Variants in SCHIP1 observed in about 807,000 individuals in gnomAD.
The protein encoded by SCHIP1 is schwannomin-interacting protein 1.
In SCHIP1, 8 loss-of-function variants were observed where a neutral mutation model predicts 29.7. The ratio of observed to expected loss-of-function variants is 0.27; its 90% CI spans 0.16 to 0.49. SCHIP1 has a LOEUF of 0.49. SCHIP1 is among the 20% of genes least tolerant of loss of function. The probability of loss-of-function intolerance (pLI) is 0.99; values close to 1 mark genes in which losing one functional copy is unlikely to be tolerated. For missense variants in SCHIP1, 193 were observed against 294.6 expected (o/e 0.66, Z 2.52); for synonymous variants, 76 against 94.9 (o/e 0.80, Z 1.16).
chr3:159,461,597 A>G, the SCHIP1 span, among the ~76,000 whole-genome samples: 1 of 150,756 alleles, frequency 6.6e-6, no homozygotes, highest in African/African-American at 2.4e-5. Flanking sequence ...TTTTTTTGAG[A>G]CAGAGTCTCA....
At chr3:159,591,796 A>T in the SCHIP1 span, among the ~76,000 whole-genome samples, 1 of 152,100 alleles carries the variant, frequency 6.6e-6, no homozygotes, top group Non-Finnish European at 1.5e-5. Flanking sequence ...GAGGGAGAGC[A>T]TTAGGACAAA....
chr3:159,282,117 T>C, the SCHIP1 span, among the ~76,000 whole-genome samples: 18 of 152,084 alleles, frequency 1.2e-4, no homozygotes, highest in African/African-American at 4.1e-4. Context: ...AATGTCAACA[T>C]TGAGTGTTCA....
At chr3:159,465,315 TTGTG>T in the SCHIP1 span, among the ~76,000 whole-genome samples, 578 of 148,354 alleles carry the variant, frequency 3.9e-3, 3 homozygotes, top group South Asian at 0.014. Context: ...ATGTGTATGA[TTGTG>T]TGTGTGTGTG....
chr3:159,678,235 T>C, the SCHIP1 span, among the ~76,000 whole-genome samples: 3 of 152,224 alleles, frequency 2.0e-5, no homozygotes, highest in Admixed American at 2.0e-4. Context: ...ATTTTTCACT[T>C]TCTCTACAAG....
the SCHIP1 span, among the ~76,000 whole-genome samples, chr3:159,609,478 T>C: frequency 1.3e-5 from 2 of 152,218 alleles, no homozygotes; most frequent in African/African-American, 2.4e-5. Context: ...AAGTAACTCC[T>C]GTGTTTTAGC....
At chr3:159,532,972 C>A in the SCHIP1 span, among the ~76,000 whole-genome samples, 1 of 152,100 alleles carries the variant, frequency 6.6e-6, no homozygotes, top group Non-Finnish European at 1.5e-5. Flanking sequence ...CTTGAAAAGA[C>A]AATACAAAGT....
chr3:159,556,666 G>T, the SCHIP1 span, among the ~76,000 whole-genome samples: 1 of 149,990 alleles, frequency 6.7e-6, no homozygotes, highest in African/African-American at 2.5e-5. Flanking sequence ...ACTATCGCAA[G>T]GACAAAAAAC....
chr3:159,780,991 T>TGATTATTGGGATAAAAACAGCAG, the SCHIP1 span, among the ~76,000 whole-genome samples: 1 of 152,318 alleles, frequency 6.6e-6, no homozygotes, highest in African/African-American at 2.4e-5. Context: ...CAGATCATCA[T>TGATTATTGGGATAAAAACAGCAG]CTCCTTATGA....
At chr3:159,768,473 C>G in the SCHIP1 span, 9 of 152,150 alleles carry the variant, frequency 5.9e-5, no homozygotes, top group Admixed American at 5.9e-4. Flanking sequence ...ACTGAGGTCT[C>G]AAAAATGGGA....
At chr3:159,615,502 G>A in the SCHIP1 span, among the ~76,000 whole-genome samples, 2 of 152,200 alleles carry the variant, frequency 1.3e-5, no homozygotes, top group African/African-American at 2.4e-5. Flanking sequence ...GCTACAGTTG[G>A]CCTACCTGGC....
the SCHIP1 span, among the ~76,000 whole-genome samples, chr3:159,421,923 T>C: frequency 6.6e-6 from 1 of 152,260 alleles, no homozygotes; most frequent in South Asian, 2.1e-4. Flanking sequence ...TTTAGCACCA[T>C]GATACTTCAA....
chr3:159,825,773 G>GA, the SCHIP1 span, among the ~76,000 whole-genome samples: 20 of 149,168 alleles, frequency 1.3e-4, no homozygotes, highest in Middle Eastern at 3.4e-3. Flanking sequence ...AAATTAGAGG[G>GA]AAAAAAAAAC....
At chr3:159,472,239 G>C in the SCHIP1 span, among the ~76,000 whole-genome samples, 2 of 152,182 alleles carry the variant, frequency 1.3e-5, no homozygotes, top group Non-Finnish European at 2.9e-5. Context: ...TGTTTTTAAA[G>C]AGTTGTGTGT....
chr3:159,437,746 G>T, the SCHIP1 span, among the ~76,000 whole-genome samples: 1 of 152,134 alleles, frequency 6.6e-6, no homozygotes, highest in Non-Finnish European at 1.5e-5. Context: ...TTGTAATGGA[G>T]AATATTTTGG....
the SCHIP1 span, among the ~76,000 whole-genome samples, chr3:159,587,227 TAA>T: frequency 6.6e-6 from 1 of 152,196 alleles, no homozygotes; most frequent in Non-Finnish European, 1.5e-5. Flanking sequence ...CAATCAAGTT[TAA>T]GAGTTACTAG....
the SCHIP1 span, among the ~76,000 whole-genome samples, chr3:159,693,052 G>A: frequency 6.6e-6 from 1 of 152,072 alleles, no homozygotes; most frequent in African/African-American, 2.4e-5. Flanking sequence ...TATTTACCTT[G>A]ACTAGTAGCT....
At chr3:159,437,487 CTG>C in the SCHIP1 span, among the ~76,000 whole-genome samples, 1 of 152,140 alleles carries the variant, frequency 6.6e-6, no homozygotes, top group African/African-American at 2.4e-5. Context: ...ATTCTTGACT[CTG>C]AGGTCTTTAG....
At chr3:159,764,413 A>G in the SCHIP1 span, 7 of 1,549,070 alleles carry the variant, frequency 4.5e-6, no homozygotes, top group South Asian at 7.6e-5. This position sits in a 1 kb window ranked among gnomAD's most constrained non-coding sequence, Gnocchi z 6.1. Flanking sequence ...GGCTTGGCCC[A>G]GCAGCTCACT....
the SCHIP1 span, among the ~76,000 whole-genome samples, chr3:159,381,591 C>T: frequency 6.6e-6 from 1 of 151,690 alleles, no homozygotes. Flanking sequence ...TCATTTCTCA[C>T]CTGGATTTCT....
Sources: gnomAD v4.1 joint callset for allele counts (sites outside exome capture counted in the v4.1 genomes callset) on GRCh38, gnomAD v4.1.1 for gene constraint, Gnocchi (gnomAD v3.1) non-coding constraint, MANE v1.5 for transcripts, NCBI Gene and HGNC (gene_info 2026-07-23, HGNC 2026-07-21) for gene names.